PIGN: variants seen among roughly 807,000 people sequenced by gnomAD.
The protein encoded by PIGN is phosphatidylinositol glycan anchor biosynthesis class N, also known as GPI ethanolamine phosphate transferase 1.
A neutral mutation model predicts 125.4 loss-of-function variants in PIGN; 117 were observed. The observed-to-expected ratio is 0.93, with a 90% CI of 0.80 to 1.09. The LOEUF (loss-of-function observed/expected upper bound fraction) is 1.09, where lower values mean the gene tolerates loss of function less well. Ranked by LOEUF, PIGN falls within the 50% of genes least tolerant of loss-of-function variation. The pLI is 0.00. For synonymous variants in PIGN, 392 were observed against 377.8 expected (o/e 1.04, Z -0.44); for missense variants, 1,075 against 1,094.9 (o/e 0.98, Z 0.26).
chr18:62,093,410 C>T (rs1364068845), intron 23 of PIGN, among the ~76,000 whole-genome samples: 1 of 152,018 alleles, frequency 6.6e-6, no homozygotes, highest in Non-Finnish European at 1.5e-5. Context: ...AATGAAATGT[C>T]ATCACCGGCT....
intron 28 of PIGN, 46 bp from the exon 29 acceptor site, chr18:62,074,867 A>AT: frequency 7.4e-7 from 1 of 1,353,546 alleles, no homozygotes; most frequent in South Asian, 1.2e-5. Flanking sequence ...CAACAGGTGC[A>AT]TTTTTCAAGC....
intron 12 of PIGN, among the ~76,000 whole-genome samples, chr18:62,139,741 C>G (rs932011967): frequency 1.3e-5 from 2 of 152,122 alleles, no homozygotes; most frequent in Admixed American, 6.6e-5. Context: ...CAGGCTAGAC[C>G]ATCTGGAATT....
chr18:62,096,051 T>C (rs924117661), intron 22 of PIGN, 101 bp from the exon 23 acceptor site: 10 of 616,762 alleles, frequency 1.6e-5, no homozygotes, highest in Non-Finnish European at 2.6e-5. Context: ...TCTCAGCACT[T>C]TGGGAGGCCG....
At chr18:62,069,735 T>C (rs1233305874) in intron 30 of PIGN, 2 of 152,208 alleles carry the variant, frequency 1.3e-5, no homozygotes, top group Admixed American at 1.3e-4. Flanking sequence ...AGAGTTTGTT[T>C]CTCAAGATGG....
At chr18:62,179,740 C>T (rs943268100) in intron 1 of PIGN, among the ~76,000 whole-genome samples, 11 of 152,050 alleles carry the variant, frequency 7.2e-5, no homozygotes, top group African/African-American at 2.7e-4. Context: ...AAGTGAGACC[C>T]TGTCTCAAAA....
At chr18:62,165,675 C>T (rs1034888825) in intron 1 of PIGN, among the ~76,000 whole-genome samples, 99 of 152,006 alleles carry the variant, frequency 6.5e-4, no homozygotes, top group African/African-American at 6.0e-4. Flanking sequence ...CTACTAGAGA[C>T]AGAAAAAAAT....
At chr18:62,119,561 G>A (rs761303907) in intron 14 of PIGN, among the ~76,000 whole-genome samples, 10 of 151,996 alleles carry the variant, frequency 6.6e-5, no homozygotes, top group Non-Finnish European at 1.5e-4. Context: ...TACCTTGCCT[G>A]GGCTGGGTGC....
intron 1 of PIGN, among the ~76,000 whole-genome samples, chr18:62,181,992 G>A (rs1472022746): frequency 6.6e-6 from 1 of 152,068 alleles, no homozygotes; most frequent in Non-Finnish European, 1.5e-5. Context: ...TCCCAAAGTG[G>A]TGGGATTACA....
chr18:62,106,850 G>C lies in PIGN; in HGVS notation c.1706C>G (p.Thr569Ser). ...AGCTGCAAAGGCAGTAAGTCCAGCG[G>C]TAAGCATATAGCGGTAGAAAAAACT... ...VLSFFYRYMLTAGLTAFAAWP... is the reference protein window; with the variant it reads ...VLSFFYRYMLSAGLTAFAAWP... Residue 569 changes from threonine to serine, a missense_variant, in exon 19 of 31, where the codon ACC becomes AGC. Transcript: ENST00000640252. 6.2e-7 allele frequency: 1 copy of C among 1,609,500 alleles called. No homozygotes were observed. Among genetic ancestry groups the C allele is most frequent in the Non-Finnish European group, 8.5e-7 (1 of 1,177,836 alleles).
chr18:62,084,653 C>A, intron 26 of PIGN, 47 bp from the exon 27 acceptor site: 1 of 1,136,180 alleles, frequency 8.8e-7, no homozygotes, highest in Non-Finnish European at 1.3e-6. Flanking sequence ...CACTCTGTAA[C>A]TTTAAAAGAA....
chr18:62,135,488 A>T (rs1036189957), intron 14 of PIGN, among the ~76,000 whole-genome samples: 2 of 152,144 alleles, frequency 1.3e-5, no homozygotes, highest in Admixed American at 6.5e-5. Context: ...GACACTGAAC[A>T]TCAAAATAGG....
rs600911 is a variant in PIGN at position 62,090,219 on chromosome 18, C to G, written c.2283+257G>C. Among the ~76,000 whole-genome samples, 235 of 152,182 alleles carry G rather than the reference C, an allele frequency of 1.5e-3. 1 individual carries two copies. Among genetic ancestry groups the G allele is most frequent in the African/African-American group, 5.4e-3 (226 of 41,532 alleles). ...TTCTGTATTCCTTCACTTATATTGACTTTTTTAAATCAATGATCCTCAAGT... is the reference window on the plus strand; with the variant it reads ...TTCTGTATTCCTTCACTTATATTGAGTTTTTTAAATCAATGATCCTCAAGT... On this transcript the variant is annotated intron_variant, in intron 24 of 30. Transcript: ENST00000640252.
chr18:62,077,615 T>C (rs150289832), intron 28 of PIGN, among the ~76,000 whole-genome samples: 97 of 152,294 alleles, frequency 6.4e-4, no homozygotes, highest in African/African-American at 2.1e-3. Context: ...CCTAGTATCA[T>C]TGGAAAAATT....
rs1226542330 is a variant in PIGN, at chr18:62,042,933, A to AC, written c.*2922_*2923insG. The AC allele has an allele frequency of 2.0e-5, 3 of 152,046 alleles. No individual in the cohort carries two copies. The highest frequency in any genetic ancestry group is 4.8e-5 in the African/African-American group (2 of 41,380). 9.4% of individuals were successfully genotyped at this position (152,046 alleles called of 1,614,324 possible). A position where few individuals can be genotyped will look rare whatever the true frequency, so the allele number is the denominator to read the frequency against. On this transcript the variant is annotated 3_prime_UTR_variant, in exon 31 of 31. Coordinates refer to ENST00000640252, the MANE Select transcript of PIGN (RefSeq NM_176787.5). ...TCTCAAAACAAAAACGAAAAAAAAA[A>AC]AAACAAAAAACCATGCTTATACAGA...
At chr18:62,182,433 C>G (rs1390056788) in intron 1 of PIGN, among the ~76,000 whole-genome samples, 1 of 152,184 alleles carries the variant, frequency 6.6e-6, no homozygotes, top group Non-Finnish European at 1.5e-5. Context: ...ACCACCTTCC[C>G]ACCAAGTATG....
intron 23 of PIGN, among the ~76,000 whole-genome samples, chr18:62,095,385 T>C (rs1448433295): frequency 6.6e-6 from 1 of 152,216 alleles, no homozygotes; most frequent in Non-Finnish European, 1.5e-5. Flanking sequence ...AATAAAAATC[T>C]TTAAAAGTTT....
intron 30 of PIGN, among the ~76,000 whole-genome samples, chr18:62,058,437 ATCAACAG>A (rs2031890072): frequency 6.6e-6 from 1 of 152,238 alleles, no homozygotes; most frequent in Non-Finnish European, 1.5e-5. Context: ...TTGAAATAGC[ATCAACAG>A]AAGTCTGACA....
chr18:62,073,660 A>G (rs577257891), intron 29 of PIGN, among the ~76,000 whole-genome samples: 6 of 152,322 alleles, frequency 3.9e-5, no homozygotes, highest in Admixed American at 1.3e-4. Context: ...CAGAAATACA[A>G]TGAATAATGG....
intron 23 of PIGN, among the ~76,000 whole-genome samples, chr18:62,027,450 A>G (rs2030137370): frequency 6.6e-6 from 1 of 152,344 alleles, no homozygotes; most frequent in Non-Finnish European, 1.5e-5. Context: ...TGAGACACCA[A>G]TCAAGATATG....
Sources: allele counts gnomAD v4.1 joint callset (sites outside exome capture counted in the v4.1 genomes callset), GRCh38; gene constraint gnomAD v4.1.1; transcripts MANE v1.5; gene names NCBI Gene and HGNC (gene_info 2026-07-23, HGNC 2026-07-21).